DPYD: variants seen among roughly 807,000 people sequenced by gnomAD.
The protein encoded by DPYD is dihydropyrimidine dehydrogenase.
A neutral mutation model predicts 116.2 loss-of-function variants in DPYD; 109 were observed. The observed-to-expected ratio is 0.94, with a 90% CI of 0.80 to 1.10. The LOEUF (loss-of-function observed/expected upper bound fraction) is 1.10. Among genes scored for constraint, DPYD ranks in the 50% least tolerant of loss-of-function variants. The pLI is 0.00. For missense variants in DPYD, 1,302 were observed against 1,254.5 expected (o/e 1.04, Z -0.57); for synonymous variants, 440 against 432.0 (o/e 1.02, Z -0.23).
intron 21 of DPYD, among the ~76,000 whole-genome samples, chr1:97,085,855 T>C (rs1570430448): frequency 6.6e-6 from 1 of 152,202 alleles, no homozygotes; most frequent in African/African-American, 2.4e-5. Context: ...GGTGTAGCCA[T>C]CCCTGATTAG....
chr1:97,561,935 A>C (rs1036706770), intron 11 of DPYD, among the ~76,000 whole-genome samples: 2 of 152,170 alleles, frequency 1.3e-5, no homozygotes, highest in Admixed American at 1.3e-4. Context: ...TGTATGTTAC[A>C]CCAGAAATTT....
At chr1:97,492,421 C>T (rs1453741549) in intron 13 of DPYD, among the ~76,000 whole-genome samples, 1 of 152,092 alleles carries the variant, frequency 6.6e-6, no homozygotes, top group Non-Finnish European at 1.5e-5. Context: ...TCTCTGTGGT[C>T]ACACTCTACT....
chr1:97,363,595 A>G (rs1439955785), intron 16 of DPYD, among the ~76,000 whole-genome samples: 1 of 152,230 alleles, frequency 6.6e-6, no homozygotes, highest in African/African-American at 2.4e-5. Flanking sequence ...AATGTGGCAC[A>G]TATACACCAT....
chr1:97,499,717 T>C (rs949958837), intron 13 of DPYD, among the ~76,000 whole-genome samples: 4 of 151,970 alleles, frequency 2.6e-5, no homozygotes, highest in Admixed American at 2.0e-4. Flanking sequence ...TTTTTGATAC[T>C]ATAATTTAAT....
intron 8 of DPYD, among the ~76,000 whole-genome samples, chr1:97,631,224 C>A (rs1239121908): frequency 6.6e-6 from 1 of 152,046 alleles, no homozygotes; most frequent in Non-Finnish European, 1.5e-5. Context: ...CCACTGCAAG[C>A]CAAAAGGAGT....
intron 3 of DPYD, among the ~76,000 whole-genome samples, chr1:97,783,725 A>G (rs1268117062): frequency 6.6e-6 from 1 of 152,212 alleles, no homozygotes; most frequent in East Asian, 1.9e-4. Flanking sequence ...GTAAGGAGGC[A>G]TCATTTACCA....
At chr1:97,691,444 C>A (rs1332753373) in intron 7 of DPYD, 1 of 337,806 alleles carries the variant, frequency 3.0e-6, no homozygotes. Context: ...CTGCACTGAA[C>A]CCCTAAAGCA....
At chr1:97,143,539 A>G (rs993546406) in intron 20 of DPYD, among the ~76,000 whole-genome samples, 3 of 152,130 alleles carry the variant, frequency 2.0e-5, no homozygotes, top group Non-Finnish European at 4.4e-5. Context: ...TTACCCAGTG[A>G]CTGTACCAAT....
chr1:97,119,174 G>T (rs959127320), intron 20 of DPYD, among the ~76,000 whole-genome samples: 1 of 152,176 alleles, frequency 6.6e-6, no homozygotes, highest in East Asian at 1.9e-4. Flanking sequence ...ATATGGCAGT[G>T]CATTCTATAA....
chr1:97,548,969 A>G (rs2102081751), intron 12 of DPYD, among the ~76,000 whole-genome samples: 1 of 152,258 alleles, frequency 6.6e-6, no homozygotes, highest in African/African-American at 2.4e-5. Flanking sequence ...TGATAAGTGT[A>G]TGATCTATGT....
At chr1:97,186,803 GTGCCAC>G in intron 20 of DPYD, among the ~76,000 whole-genome samples, 1 of 152,186 alleles carries the variant, frequency 6.6e-6, no homozygotes, top group Non-Finnish European at 1.5e-5. Flanking sequence ...AGCCGAGAAC[GTGCCAC>G]TGCACTCCAG....
At chr1:97,673,391 CT>C (rs1659974921) in intron 8 of DPYD, among the ~76,000 whole-genome samples, 1 of 151,986 alleles carries the variant, frequency 6.6e-6, no homozygotes, top group African/African-American at 2.4e-5. Flanking sequence ...TGTATTCCCC[CT>C]GGGTTTGGGC....
intron 8 of DPYD, among the ~76,000 whole-genome samples, chr1:97,618,638 G>A (rs757762142): frequency 3.9e-5 from 6 of 152,094 alleles, no homozygotes; most frequent in African/African-American, 1.2e-4. Context: ...TTCAGAGTCC[G>A]GCGCCAGTCT....
At chr1:97,756,697 T>C (rs1196133749) in intron 3 of DPYD, among the ~76,000 whole-genome samples, 1 of 152,130 alleles carries the variant, frequency 6.6e-6, no homozygotes, top group African/African-American at 2.4e-5. Context: ...ATTAATCTGT[T>C]CTCCCAGCAT....
chr1:97,324,445 G>A (rs1668606891), intron 16 of DPYD, among the ~76,000 whole-genome samples: 1 of 151,986 alleles, frequency 6.6e-6, no homozygotes, highest in Non-Finnish European at 1.5e-5. Flanking sequence ...TGTGGTCAAG[G>A]TAGCCAGGAC....
At chr1:97,566,627 T>C in intron 11 of DPYD, among the ~76,000 whole-genome samples, 1 of 152,154 alleles carries the variant, frequency 6.6e-6, no homozygotes, top group East Asian at 1.9e-4. Flanking sequence ...ATTTGTTTAT[T>C]AAAATGCATG....
At chr1:97,438,149 G>A (rs10783062) in intron 14 of DPYD, among the ~76,000 whole-genome samples, 149,367 of 152,092 alleles carry the variant, frequency 0.98, 73,407 homozygotes, top group Middle Eastern at 1. Flanking sequence ...ACATAGCTCG[G>A]TATCAGAAAG....
chr1:97,506,255 A>G (rs1647319488), intron 13 of DPYD, among the ~76,000 whole-genome samples: 2 of 152,016 alleles, frequency 1.3e-5, no homozygotes, highest in Admixed American at 1.3e-4. Context: ...GAATATCATT[A>G]CATAGTAGTT....
At chr1:97,892,080 A>T (rs1672805736) in intron 1 of DPYD, among the ~76,000 whole-genome samples, 1 of 151,846 alleles carries the variant, frequency 6.6e-6, no homozygotes, top group Non-Finnish European at 1.5e-5. Context: ...CAATGCATCA[A>T]GTAAACAAAT....
Sources: allele counts gnomAD v4.1 joint callset (sites outside exome capture counted in the v4.1 genomes callset), GRCh38; gene constraint gnomAD v4.1.1; transcripts MANE v1.5; gene names NCBI Gene and HGNC (gene_info 2026-07-23, HGNC 2026-07-21).